Variants in CLSTN2 observed in about 807,000 individuals in gnomAD.
CLSTN2 encodes the protein calsyntenin-2.
CLSTN2 carries 48 observed loss-of-function variants against 101.2 expected under a neutral mutation model. The ratio of observed to expected loss-of-function variants is 0.47; its 90% CI spans 0.38 to 0.60. The LOEUF (loss-of-function observed/expected upper bound fraction) is 0.60. Among genes scored for constraint, CLSTN2 ranks in the 20% least tolerant of loss-of-function variants. The pLI is 0.00. For synonymous variants in CLSTN2, 481 were observed against 463.6 expected, an observed-to-expected ratio of 1.04 and a Z score of -0.48; for missense variants, 1,160 against 1,238.2, an observed-to-expected ratio of 0.94 and a Z score of 0.95.
intron 1 of CLSTN2, among the ~76,000 whole-genome samples, chr3:139,942,355 T>C (rs999025281): frequency 1.3e-5 from 2 of 152,132 alleles, no homozygotes; most frequent in Admixed American, 6.5e-5. Flanking sequence ...CACTGTATAG[T>C]CCCAGATGTG....
intron 2 of CLSTN2, among the ~76,000 whole-genome samples, chr3:140,283,045 G>A (rs1035605021): frequency 6.6e-6 from 1 of 152,018 alleles, no homozygotes; most frequent in Non-Finnish European, 1.5e-5. Flanking sequence ...TGGGAATGAG[G>A]TACAATCCCT....
chr3:140,152,808 T>C (rs2009888147), intron 1 of CLSTN2, among the ~76,000 whole-genome samples: 2 of 152,218 alleles, frequency 1.3e-5, no homozygotes, highest in South Asian at 2.1e-4. Context: ...AATACCATTT[T>C]TCCTGCTCCA....
chr3:140,110,146 C>T (rs1346961360), intron 1 of CLSTN2, among the ~76,000 whole-genome samples: 1 of 152,182 alleles, frequency 6.6e-6, no homozygotes, highest in Admixed American at 6.5e-5. Context: ...CCACCTTAAT[C>T]AGATTTTACT....
intron 11 of CLSTN2, 46 bp downstream of exon 11, chr3:140,556,707 G>T (rs1373991735): frequency 6.3e-7 from 1 of 1,596,624 alleles, no homozygotes; most frequent in South Asian, 1.1e-5. Flanking sequence ...GCAGCAGTTG[G>T]GAAGGTCCCA....
intron 2 of CLSTN2, among the ~76,000 whole-genome samples, chr3:140,351,298 T>C (rs2087604168): frequency 6.6e-6 from 1 of 152,182 alleles, no homozygotes; most frequent in African/African-American, 2.4e-5. Flanking sequence ...ACTGAGATTT[T>C]ATAGTCTGTG....
At chr3:140,005,911 T>G (rs1475357718) in intron 1 of CLSTN2, among the ~76,000 whole-genome samples, 1 of 152,192 alleles carries the variant, frequency 6.6e-6, no homozygotes, top group African/African-American at 2.4e-5. Flanking sequence ...AACCCACACA[T>G]GCCAGAATGG....
At chr3:140,214,453 T>A (rs546996702) in intron 2 of CLSTN2, among the ~76,000 whole-genome samples, 1 of 150,406 alleles carries the variant, frequency 6.6e-6, no homozygotes, top group East Asian at 2.0e-4. Flanking sequence ...GACTCTGTCT[T>A]AAAAAAAAAG....
At chr3:140,491,220 C>A (rs978928059) in intron 8 of CLSTN2, among the ~76,000 whole-genome samples, 1 of 152,198 alleles carries the variant, frequency 6.6e-6, no homozygotes, top group African/African-American at 2.4e-5. Context: ...CCTTCATGAT[C>A]TTTCTAAAAA....
At chr3:140,333,682 C>CTGTGTGTGTG (rs10545391) in intron 2 of CLSTN2, among the ~76,000 whole-genome samples, 48 of 147,660 alleles carry the variant, frequency 3.3e-4, no homozygotes, top group African/African-American at 1.0e-3. Flanking sequence ...AGAGTGGAGA[C>CTGTGTGTGTG]TGTGTGTGTG....
At chr3:140,256,776 A>C (rs1206276501) in intron 2 of CLSTN2, among the ~76,000 whole-genome samples, 1 of 152,254 alleles carries the variant, frequency 6.6e-6, no homozygotes. Flanking sequence ...CAGCCCAATA[A>C]ATATCATTAA....
At chr3:140,083,665 G>A (rs558533491) in intron 1 of CLSTN2, among the ~76,000 whole-genome samples, 7 of 152,300 alleles carry the variant, frequency 4.6e-5, no homozygotes, top group South Asian at 4.1e-4. Flanking sequence ...CTTGTGCTAC[G>A]TGGCACATGA....
intron 2 of CLSTN2, among the ~76,000 whole-genome samples, chr3:140,241,870 CATATATAT>C (rs72373622): frequency 7.6e-6 from 1 of 132,290 alleles, no homozygotes; most frequent in African/African-American, 2.9e-5. Context: ...TATATATACA[CATATATAT>C]ATACACACAC....
intron 1 of CLSTN2, among the ~76,000 whole-genome samples, chr3:140,122,579 C>T (rs1413507346): frequency 6.6e-6 from 1 of 152,196 alleles, no homozygotes; most frequent in Non-Finnish European, 1.5e-5. Context: ...CACATTAGCT[C>T]CCCTAATGGG....
intron 1 of CLSTN2, among the ~76,000 whole-genome samples, chr3:139,953,714 A>G (rs912622117): frequency 1.3e-4 from 20 of 152,142 alleles, no homozygotes; most frequent in African/African-American, 4.3e-4. Flanking sequence ...GGCATCTCCA[A>G]GAGGATTAAG....
At chr3:140,516,247 A>C (rs1345419539) in intron 8 of CLSTN2, among the ~76,000 whole-genome samples, 3 of 152,132 alleles carry the variant, frequency 2.0e-5, no homozygotes, top group Non-Finnish European at 4.4e-5. Flanking sequence ...TGAGTTCCTT[A>C]AAGACAGCAG....
At chr3:140,542,025 G>T (rs546419913) in intron 9 of CLSTN2, among the ~76,000 whole-genome samples, 182 of 152,244 alleles carry the variant, frequency 1.2e-3, no homozygotes, top group African/African-American at 4.2e-3. Context: ...AAAATTAAAA[G>T]AACAGAAGCT....
intron 5 of CLSTN2, among the ~76,000 whole-genome samples, chr3:140,440,547 GATAC>G (rs2088750712): frequency 2.0e-5 from 3 of 152,186 alleles, no homozygotes; most frequent in Admixed American, 6.5e-5. Context: ...TGATGTGTCA[GATAC>G]AGGGCTAAGT....
intron 2 of CLSTN2, among the ~76,000 whole-genome samples, chr3:140,369,088 G>A (rs1408356601): frequency 6.6e-6 from 1 of 152,114 alleles, no homozygotes; most frequent in East Asian, 1.9e-4. Flanking sequence ...CTTTTTCTGG[G>A]TCACAGTGCC....
chr3:140,157,201 G>GTTT (rs58387930), intron 1 of CLSTN2, among the ~76,000 whole-genome samples: 9 of 149,904 alleles, frequency 6.0e-5, no homozygotes, highest in African/African-American at 1.9e-4. Context: ...TGGCCTAAAG[G>GTTT]TTTTTTTTTT....
Sources: gnomAD v4.1 joint callset for allele counts (sites outside exome capture counted in the v4.1 genomes callset) on GRCh38, gnomAD v4.1.1 for gene constraint, MANE v1.5 for transcripts, NCBI Gene and HGNC (gene_info 2026-07-23, HGNC 2026-07-21) for gene names.